The following PDZD2 variants were observed in gnomAD, a reference collection of about 807,000 sequenced individuals.
PDZD2 encodes the protein PDZ domain containing 2.
In PDZD2, 90 loss-of-function variants were observed where a neutral mutation model predicts 220.7. That is an observed-to-expected ratio of 0.41 (90% CI 0.34 to 0.49). The LOEUF (loss-of-function observed/expected upper bound fraction) is 0.49, where lower values mean the gene tolerates loss of function less well. Among genes scored for constraint, PDZD2 ranks in the 20% least tolerant of loss-of-function variants. The pLI is 0.28. For synonymous variants in PDZD2, 1,375 were observed against 1,450.5 expected, an observed-to-expected ratio of 0.95 and a Z score of 1.18; for missense variants, 3,174 against 3,608.5, an observed-to-expected ratio of 0.88 and a Z score of 3.08.
At chr5:31,649,973 C>T (rs866119624) in intron 1 of PDZD2, among the ~76,000 whole-genome samples, 1 of 146,902 alleles carries the variant, frequency 6.8e-6, no homozygotes, top group South Asian at 2.2e-4. Context: ...AATTAAGTCT[C>T]AGGGCAAATC....
chr5:31,978,925 T>C (rs1268619982), intron 2 of PDZD2, among the ~76,000 whole-genome samples: 3 of 152,034 alleles, frequency 2.0e-5, no homozygotes, highest in Non-Finnish European at 4.4e-5. Context: ...GACAGGGAGA[T>C]GGTGCTGAAC....
chr5:31,652,039 G>A (rs1219383939), intron 1 of PDZD2, among the ~76,000 whole-genome samples: 1 of 141,536 alleles, frequency 7.1e-6, no homozygotes, highest in Non-Finnish European at 1.5e-5. Flanking sequence ...CACCATGTTG[G>A]CCAGGCTGGT....
At chr5:31,847,646 A>T in intron 2 of PDZD2, 1 of 616,342 alleles carries the variant, frequency 1.6e-6, no homozygotes, top group Non-Finnish European at 3.1e-6. Context: ...GTGACTGGAG[A>T]TGAATACAAT....
intron 2 of PDZD2, among the ~76,000 whole-genome samples, chr5:31,964,463 AG>A (rs1299229066): frequency 2.9e-4 from 44 of 152,352 alleles, no homozygotes; most frequent in African/African-American, 8.9e-4. Context: ...TATTAGGGAC[AG>A]AGAGTCCTAA....
intron 21 of PDZD2, among the ~76,000 whole-genome samples, chr5:32,094,889 C>A (rs906860669): frequency 1.3e-5 from 2 of 152,038 alleles, no homozygotes; most frequent in Non-Finnish European, 2.9e-5. Context: ...GAAAGAAAAA[C>A]AAAATGTCTT....
chr5:31,659,917 C>A (rs1006177845), intron 1 of PDZD2, among the ~76,000 whole-genome samples: 6 of 152,176 alleles, frequency 3.9e-5, no homozygotes, highest in African/African-American at 1.4e-4. Context: ...AGCTAATAAG[C>A]CCATCCTGCA....
At chr5:31,649,483 C>A (rs1745260046) in intron 1 of PDZD2, among the ~76,000 whole-genome samples, 1 of 151,918 alleles carries the variant, frequency 6.6e-6, no homozygotes, top group Non-Finnish European at 1.5e-5. Context: ...CACATGACTC[C>A]TGTTTGAAAT....
intron 1 of PDZD2, among the ~76,000 whole-genome samples, chr5:31,659,240 G>T (rs1302647549): frequency 2.6e-5 from 4 of 151,458 alleles, no homozygotes; most frequent in Non-Finnish European, 2.9e-5. Context: ...CTACTTTTTT[G>T]ATTGGTTTCA....
intron 1 of PDZD2, among the ~76,000 whole-genome samples, chr5:31,794,156 T>C (rs1213678857): frequency 6.6e-6 from 1 of 152,138 alleles, no homozygotes; most frequent in Admixed American, 6.6e-5. Flanking sequence ...TTTCAATCTC[T>C]CAAATGTCAC....
Position 32,088,376 on chromosome 5 carries a change from C to T in PDZD2, c.4928C>T (p.Ala1643Val). 6.2e-7 allele frequency: 1 copy of T among 1,613,772 alleles called. No homozygotes were observed. The highest frequency in any genetic ancestry group is 8.5e-7 in the Non-Finnish European group (1 of 1,179,878). ...LKYSTPRESV[A>V]SPREKAACLP... ...TACAGCACTCCGAGAGAGTCGGTGG[C>T]CAGTCCCCGTGAGAAGGCCGCCTGC... is the stretch of plus-strand genomic sequence containing the variant. Residue 1643 changes from alanine to valine, a missense_variant, in exon 20 of 25, where the codon GCC becomes GTC. Around this residue, in one of 4 missense-constraint regions of PDZD2, gnomAD observed 1,861 missense variants for 2,001.0 expected, o/e 0.93. Coordinates refer to ENST00000438447, the MANE Select transcript of PDZD2 (RefSeq NM_178140.4). This position sits in a 1 kb window ranked among gnomAD's most constrained non-coding sequence, Gnocchi z 4.6.
intron 2 of PDZD2, chr5:31,855,171 A>G (rs1373253764): frequency 1.1e-6 from 1 of 948,902 alleles, no homozygotes; most frequent in Non-Finnish European, 1.3e-6. Flanking sequence ...AACTGGAGGT[A>G]GGAAATCGGC....
chr5:32,104,678 C>T (rs1331224335), intron 24 of PDZD2, among the ~76,000 whole-genome samples: 1 of 131,484 alleles, frequency 7.6e-6, no homozygotes. Flanking sequence ...CAGGACCACA[C>T]CACTGCACTC....
chr5:31,750,349 T>C (rs1750878503), intron 1 of PDZD2, among the ~76,000 whole-genome samples: 2 of 152,216 alleles, frequency 1.3e-5, no homozygotes, highest in African/African-American at 4.8e-5. Flanking sequence ...GTTAGCTCCT[T>C]TGGGCAGGGC....
intron 2 of PDZD2, chr5:31,908,328 G>A (rs1742863458): frequency 3.8e-6 from 1 of 260,974 alleles, no homozygotes; most frequent in Non-Finnish European, 7.2e-6. Context: ...AGCGCCACTG[G>A]TCGTCTCCCT....
intron 1 of PDZD2, among the ~76,000 whole-genome samples, chr5:31,769,603 T>C (rs556399771): frequency 6.6e-6 from 1 of 152,352 alleles, no homozygotes; most frequent in African/African-American, 2.4e-5. Flanking sequence ...TATTTTTAAA[T>C]TGTTTCTCCT....
intron 6 of PDZD2, among the ~76,000 whole-genome samples, chr5:32,034,026 A>G (rs578150792): frequency 7.0e-4 from 106 of 152,328 alleles, no homozygotes; most frequent in Middle Eastern, 3.4e-3. Context: ...CCTTTCAGGC[A>G]GGCTCCTTTC....
chr5:31,977,226 A>G (rs2111829337), intron 2 of PDZD2, among the ~76,000 whole-genome samples: 1 of 152,276 alleles, frequency 6.6e-6, no homozygotes, highest in Middle Eastern at 3.4e-3. Context: ...ATGGGTTCAC[A>G]CTATGTGACA....
chr5:32,104,708 G>T (rs1353353234), intron 24 of PDZD2, among the ~76,000 whole-genome samples: 2 of 94,340 alleles, frequency 2.1e-5, no homozygotes, highest in Non-Finnish European at 3.9e-5. Context: ...GTCAGAGAAG[G>T]CTCCATCTAA....
rs944907308 is a variant in PDZD2, at chr5:31,987,039, A to AAT, written c.978+3384_978+3385insTA. ...AGACAAAGTTGGGTTTGTCCTCTAA[A>AAT]ACAATCTCCTAGGACATAGACAAAC... On this transcript the variant is annotated intron_variant, in intron 3 of 24. Coordinates refer to ENST00000438447, the MANE Select transcript of PDZD2 (RefSeq NM_178140.4). 4.6e-5 allele frequency among the ~76,000 whole-genome samples: 3 copies of AAT among 64,560 alleles called. No individual in the cohort carries two copies. The Admixed American group carries it at 4.7e-4, about 10-fold the overall frequency. The allele number at this position is 64,560 out of a possible 152,430, so 42.4% of individuals were successfully genotyped here. A position where few individuals can be genotyped will look rare whatever the true frequency, so the allele number is the denominator to read the frequency against.
Sources: allele counts gnomAD v4.1 joint callset (sites outside exome capture counted in the v4.1 genomes callset), GRCh38; gene constraint gnomAD v4.1.1; regional missense constraint gnomAD v4.1.1; non-coding constraint Gnocchi (gnomAD v3.1); transcripts MANE v1.5; gene names NCBI Gene and HGNC (gene_info 2026-07-23, HGNC 2026-07-21).